CYFIP2: variants seen among roughly 807,000 people sequenced by gnomAD.
CYFIP2 encodes cytoplasmic FMR1-interacting protein 2.
Under a neutral mutation model 158.7 loss-of-function variants are expected in CYFIP2, and 29 were observed. That is an observed-to-expected ratio of 0.18 (90% CI 0.14 to 0.25). The LOEUF is 0.25. Ranked by LOEUF, CYFIP2 falls within the 10% of genes least tolerant of loss-of-function variation. CYFIP2 has a pLI of 1.00. For synonymous variants in CYFIP2, 585 were observed against 617.6 expected, an observed-to-expected ratio of 0.95 and a Z score of 0.78; for missense variants, 852 against 1,639.5, an observed-to-expected ratio of 0.52 and a Z score of 8.29.
At chr5:157,367,567 G>A (rs773266833) in intron 26 of CYFIP2, among the ~76,000 whole-genome samples, 3 of 152,062 alleles carry the variant, frequency 2.0e-5, no homozygotes, top group African/African-American at 4.8e-5. Context: ...GAGCTTTGCC[G>A]ATTGTTTTTG....
At chr5:157,392,779 C>T (rs1019536753) in intron 30 of CYFIP2, 54 bp from the exon 31 acceptor site, 78 of 1,591,038 alleles carry the variant, frequency 4.9e-5, no homozygotes, top group Non-Finnish European at 6.2e-5. Flanking sequence ...GTTACTCCCT[C>T]TTTCCACCCC....
intron 21 of CYFIP2, among the ~76,000 whole-genome samples, chr5:157,334,566 G>C (rs775335648): frequency 1.7e-4 from 26 of 152,062 alleles, no homozygotes; most frequent in Non-Finnish European, 3.1e-4. Flanking sequence ...TCTTAACCAA[G>C]TATCAAAGTT....
rs1195236151 is a variant in CYFIP2 at position 157,361,889 on chromosome 5, AAGG to A, written c.3039+295_3039+297del. ...CCACGCTGAGGTTTACTGCAGGAGA[AAGG>A]AGGGTGTTTATTTTCAGAGTACCAA... On this transcript the variant is annotated intron_variant, in intron 26 of 30. Transcript: ENST00000620254. The surrounding 1 kb of genome is among the most constrained non-coding windows in gnomAD (Gnocchi z 4.4). Among the ~76,000 whole-genome samples the A allele has an allele frequency of 6.6e-6, 1 of 152,170 alleles. No individual in the cohort carries two copies. Among genetic ancestry groups the A allele is most frequent in the Non-Finnish European group, 1.5e-5 (1 of 68,010 alleles).
chr5:157,332,149 G>C (rs547069631), intron 20 of CYFIP2, among the ~76,000 whole-genome samples: 86 of 152,286 alleles, frequency 5.6e-4, no homozygotes, highest in African/African-American at 2.0e-3. Flanking sequence ...AAACACTTAT[G>C]GGAAGCCAGA....
At chr5:157,354,800 T>A (rs909781305) in intron 23 of CYFIP2, among the ~76,000 whole-genome samples, 2 of 152,084 alleles carry the variant, frequency 1.3e-5, no homozygotes, top group African/African-American at 4.8e-5. Context: ...GTAAAACAGT[T>A]CCAATACTAT....
At chr5:157,305,268 G>A (rs1285819768) in intron 8 of CYFIP2, among the ~76,000 whole-genome samples, 8 of 152,166 alleles carry the variant, frequency 5.3e-5, no homozygotes, top group Non-Finnish European at 7.3e-5. Flanking sequence ...GTAGACACCC[G>A]GTAGTAGGAT....
At chr5:157,374,163 G>C (rs1765248174) in intron 26 of CYFIP2, among the ~76,000 whole-genome samples, 1 of 152,100 alleles carries the variant, frequency 6.6e-6, no homozygotes, top group South Asian at 2.1e-4. Flanking sequence ...CGATCCTGCT[G>C]CACCTGAATT....
Position 157,382,584 on chromosome 5 carries a change from C to T in CYFIP2, c.3040-6C>T. 1 of 1,613,902 alleles carries T rather than the reference C, an allele frequency of 6.2e-7. No individual in the cohort carries two copies. The highest frequency in any genetic ancestry group is 8.5e-7 in the Non-Finnish European group (1 of 1,179,798). On this transcript the variant is annotated splice_polypyrimidine_tract_variant and splice_region_variant and intron_variant, in intron 26 of 30. Coordinates refer to ENST00000620254, the MANE Select transcript of CYFIP2 (RefSeq NM_001037333.3). The stretch of plus-strand genomic sequence containing the variant: ...GTTTTCTCTTTCTTTACCCCCATCT[C>T]TGCAGTCTCAGGAGGAGGTCTGCGA...
chr5:157,285,223 G>A lies in CYFIP2; in HGVS notation c.-23-116G>A, dbSNP rs142828460. 1.3e-3 allele frequency: 838 copies of A among 658,698 alleles called. 6 individuals carry two copies. The East Asian group carries it at 0.022, about 17-fold the overall frequency. 40.8% of individuals were successfully genotyped at this position (658,698 alleles called of 1,614,324 possible). A position where few individuals can be genotyped will look rare whatever the true frequency, so the allele number is the denominator to read the frequency against. ...TGGGAAGAAGTGGTGAGTGGAAGTG[G>A]CCTCAATGCATTTTAACTCTCTTTA... is the stretch of plus-strand genomic sequence containing the variant. On this transcript the variant is annotated intron_variant, in intron 1 of 30. Coordinates refer to ENST00000620254, the MANE Select transcript of CYFIP2 (RefSeq NM_001037333.3).
chr5:157,341,877 GACAA>G (rs1762290417), intron 23 of CYFIP2: 1 of 152,338 alleles, frequency 6.6e-6, no homozygotes, highest in East Asian at 1.9e-4. Context: ...GTCTGGTCAA[GACAA>G]TTTTCTCAAA....
intron 20 of CYFIP2, among the ~76,000 whole-genome samples, chr5:157,332,358 T>C (rs1037066162): frequency 1.3e-5 from 2 of 152,252 alleles, no homozygotes; most frequent in African/African-American, 4.8e-5. Context: ...CTAGCACTTA[T>C]ACAGTGCGTA....
intron 5 of CYFIP2, among the ~76,000 whole-genome samples, chr5:157,299,513 G>A (rs183409799): frequency 1.4e-4 from 21 of 152,272 alleles, no homozygotes; most frequent in Admixed American, 9.8e-4. Flanking sequence ...CCCTCTGAGC[G>A]CTTCTCCTCA....
chr5:157,388,365 G>A (rs1238755342), intron 28 of CYFIP2, among the ~76,000 whole-genome samples: 1 of 152,156 alleles, frequency 6.6e-6, no homozygotes, highest in African/African-American at 2.4e-5. Flanking sequence ...ATTTGTAACT[G>A]TCAAAGAAGC....
At chr5:157,338,825 C>T (rs1334879461) in intron 21 of CYFIP2, among the ~76,000 whole-genome samples, 1 of 152,214 alleles carries the variant, frequency 6.6e-6, no homozygotes, top group African/African-American at 2.4e-5. Context: ...CTTCCCCTAC[C>T]TTGCCCTTAA....
intron 28 of CYFIP2, among the ~76,000 whole-genome samples, chr5:157,385,792 T>A (rs1234042588): frequency 3.3e-5 from 5 of 152,148 alleles, no homozygotes; most frequent in African/African-American, 1.2e-4. Context: ...TGTTACATAT[T>A]CCTTCTCAAA....
intron 30 of CYFIP2, among the ~76,000 whole-genome samples, chr5:157,392,012 T>C (rs201016037): frequency 2.0e-5 from 3 of 152,354 alleles, no homozygotes; most frequent in East Asian, 1.9e-4. Context: ...CCCTAATGAC[T>C]GTCACTGCTG....
intron 26 of CYFIP2, among the ~76,000 whole-genome samples, chr5:157,382,380 C>G (rs988565601): frequency 3.2e-4 from 49 of 152,156 alleles, no homozygotes; most frequent in African/African-American, 8.4e-4. Context: ...CCTCACAACC[C>G]ATTAAAATAG....
intron 13 of CYFIP2, among the ~76,000 whole-genome samples, chr5:157,318,756 G>A (rs2113094059): frequency 6.6e-6 from 1 of 152,344 alleles, no homozygotes; most frequent in East Asian, 1.9e-4. Flanking sequence ...CCAGTCTGGT[G>A]TAGAAGGTGG....
chr5:157,340,857 A>G (rs1039529067), intron 22 of CYFIP2, among the ~76,000 whole-genome samples: 5 of 152,184 alleles, frequency 3.3e-5, no homozygotes, highest in African/African-American at 1.2e-4. Context: ...CCAGGAATCT[A>G]GACTGAATTT....
Sources: allele counts gnomAD v4.1 joint callset (sites outside exome capture counted in the v4.1 genomes callset), GRCh38; gene constraint gnomAD v4.1.1; non-coding constraint Gnocchi (gnomAD v3.1); transcripts MANE v1.5; gene names NCBI Gene and HGNC (gene_info 2026-07-23, HGNC 2026-07-21).